AQR: variants seen among roughly 807,000 people sequenced by gnomAD.
The protein encoded by AQR is aquarius intron-binding spliceosomal factor, also known as RNA helicase aquarius.
Under a neutral mutation model 180.5 loss-of-function variants are expected in AQR, and 61 were observed. The ratio of observed to expected loss-of-function variants is 0.34; its 90% CI spans 0.28 to 0.42. The LOEUF is 0.42. Among genes scored for constraint, AQR ranks in the 10% least tolerant of loss-of-function variants. AQR has a pLI of 1.00. For missense variants in AQR, 1,281 were observed against 1,798.3 expected, an observed-to-expected ratio of 0.71 and a Z score of 5.20; for synonymous variants, 551 against 588.8, an observed-to-expected ratio of 0.94 and a Z score of 0.93.
At chr15:34,903,403 C>T (rs934927675) in intron 19 of AQR, among the ~76,000 whole-genome samples, 3 of 149,336 alleles carry the variant, frequency 2.0e-5, no homozygotes, top group African/African-American at 5.1e-5. Flanking sequence ...ATTATGTGGA[C>T]ATGTGTAAGG....
chr15:34,899,676 T>TTATATATA (rs57273821), intron 20 of AQR, among the ~76,000 whole-genome samples: 1 of 147,494 alleles, frequency 6.8e-6, no homozygotes, highest in South Asian at 2.1e-4. Flanking sequence ...TGGCCTATTA[T>TTATATATA]TATATATATA....
At position 34,874,864 on chromosome 15, in the gene AQR, T is replaced by G; in HGVS notation, c.3238A>C (p.Asn1080His). ...IETFIPLLLQ[N>H]PQDGFSRLKR... ...AGTCGGCTAAATCCATCCTGAGGAT[T>G]CTAGAAATGAAAAGTAAGGAAATGG... Residue 1080 changes from asparagine to histidine, a missense_variant and splice_region_variant, in exon 29 of 35, where the codon AAT becomes CAT. Coordinates refer to ENST00000156471, the MANE Select transcript of AQR (RefSeq NM_014691.3). 1 of 1,611,292 alleles carries G rather than the reference T, an allele frequency of 6.2e-7. No homozygotes were observed. The highest frequency in any genetic ancestry group is 8.5e-7 in the Non-Finnish European group (1 of 1,179,038).
rs867837704 is a variant in AQR at position 34,926,935 on chromosome 15, T to C, written c.1118+100A>G. 8.0e-5 allele frequency: 47 copies of C among 584,244 alleles called. No individual in the cohort carries two copies. The Middle Eastern group carries it at 6.3e-3, about 78-fold the overall frequency. 36.2% of individuals were successfully genotyped at this position (584,244 alleles called of 1,614,324 possible). The stretch of plus-strand genomic sequence containing the variant: ...ACGAAGAGTGAAATAACAAGTAATA[T>C]TATCTAAAGTACTGCAAAATGATTA... On this transcript the variant is annotated intron_variant, in intron 13 of 34. Coordinates refer to ENST00000156471, the MANE Select transcript of AQR (RefSeq NM_014691.3).
At chr15:34,914,194 T>C (rs1031265253) in intron 16 of AQR, among the ~76,000 whole-genome samples, 18 of 152,246 alleles carry the variant, frequency 1.2e-4, no homozygotes, top group Admixed American at 7.9e-4. Flanking sequence ...ATTTTACTCA[T>C]TTATAATCAC....
intron 22 of AQR, among the ~76,000 whole-genome samples, chr15:34,894,653 A>T (rs933689011): frequency 1.3e-5 from 2 of 152,162 alleles, no homozygotes; most frequent in Non-Finnish European, 2.9e-5. Context: ...CAAAAATTCT[A>T]CTACTATCTG....
At chr15:34,900,960 C>T in intron 19 of AQR, 97 bp from the exon 20 acceptor site, 1 of 1,452,402 alleles carries the variant, frequency 6.9e-7, no homozygotes, top group Non-Finnish European at 9.2e-7. Context: ...TCCAGAATTC[C>T]CGAGTGTTTC....
At chr15:34,955,249 T>C (rs530512662) in intron 3 of AQR, among the ~76,000 whole-genome samples, 3 of 152,362 alleles carry the variant, frequency 2.0e-5, no homozygotes, top group Non-Finnish European at 4.4e-5. Context: ...GCATGCATTA[T>C]GCCTGACACT....
chr15:34,864,609 T>A (rs1261486593), intron 32 of AQR, among the ~76,000 whole-genome samples: 1 of 152,144 alleles, frequency 6.6e-6, no homozygotes, highest in East Asian at 1.9e-4. Context: ...GAATTTAATG[T>A]TGTTAGGAGG....
intron 15 of AQR, among the ~76,000 whole-genome samples, chr15:34,917,392 G>A (rs115545195): frequency 0.013 from 2,031 of 152,230 alleles, 54 homozygotes; most frequent in African/African-American, 0.047. Flanking sequence ...ATATCTGAAT[G>A]CACTTTTGCA....
At chr15:34,899,612 C>T (rs1236837015) in intron 20 of AQR, among the ~76,000 whole-genome samples, 1 of 151,628 alleles carries the variant, frequency 6.6e-6, no homozygotes, top group Non-Finnish European at 1.5e-5. Context: ...CTCAAGCAAT[C>T]CTCCCAACTT....
At position 34,938,745 on chromosome 15, in the gene AQR, G is replaced by T. The variant is rs1433339020; in HGVS notation, c.710C>A (p.Pro237Gln). The T allele has an allele frequency of 2.5e-6, 4 of 1,589,018 alleles. No homozygotes were observed. The highest frequency in any genetic ancestry group is 3.5e-6 in the Non-Finnish European group (4 of 1,159,412). ...AGTAAAAAAGAAGATACCAGAAAGT[G>T]GGACTGATTTCAGCACAGAGATAAA... ...QKFISVLKSV[P>Q]LSEPVTMDKV... Residue 237 changes from proline (P) to glutamine (Q), a missense_variant, in exon 9 of 35, where the codon CCA (proline) becomes CAA (glutamine). By Grantham distance (76) the Pro-to-Gln change is moderately conservative. Around this residue, in one of 9 missense-constraint regions of AQR, gnomAD observed 404 missense variants for 490.9 expected, o/e 0.82. Transcript: ENST00000156471.
intron 3 of AQR, among the ~76,000 whole-genome samples, chr15:34,955,858 G>A (rs1485471026): frequency 5.4e-5 from 8 of 148,284 alleles, no homozygotes; most frequent in South Asian, 2.1e-4. Context: ...GCAGTGAGCC[G>A]AGATCATGCC....
At position 34,938,271 on chromosome 15, in the gene AQR, C is replaced by T. The variant is rs568059462; in HGVS notation, c.718+466G>A. On this transcript the variant is annotated intron_variant, in intron 9 of 34. Transcript: ENST00000156471. Reference sequence around the variant, plus strand: ...CCCTTAGGCCAGGTGCAGTGGCTCACGCCTGTAATCCCAGCACTTTGAGAG... The same window carrying T: ...CCCTTAGGCCAGGTGCAGTGGCTCATGCCTGTAATCCCAGCACTTTGAGAG... Among the ~76,000 whole-genome samples, 233 of 152,196 alleles carry T rather than the reference C, an allele frequency of 1.5e-3. 2 individuals are homozygous for T. The highest frequency in any genetic ancestry group is 5.2e-3 in the African/African-American group (218 of 41,532).
rs561353038 is a variant in AQR at position 34,946,985 on chromosome 15, C to T, written c.330+1279G>A. Among the ~76,000 whole-genome samples the T allele has an allele frequency of 2.9e-3, 440 of 152,192 alleles. 18 individuals are homozygous for T. The highest frequency in any genetic ancestry group is 0.025 in the Admixed American group (387 of 15,296). The stretch of plus-strand genomic sequence containing the variant: ...CTGGGAAGTGAGGAGCCCCTCTGCC[C>T]GGCCACCACCCCGTCTGGGAGGTGT... On this transcript the variant is annotated intron_variant, in intron 5 of 34. Transcript: ENST00000156471.
At chr15:34,867,440 AT>A in intron 32 of AQR, 83 bp downstream of exon 32, 2 of 1,211,066 alleles carry the variant, frequency 1.7e-6, no homozygotes, top group Non-Finnish European at 2.4e-6. Context: ...CTTAAAAAAT[AT>A]TTAGAACACT....
chr15:34,898,530 G>C (rs550863180), intron 20 of AQR, among the ~76,000 whole-genome samples: 1 of 152,294 alleles, frequency 6.6e-6, no homozygotes, highest in East Asian at 1.9e-4. Flanking sequence ...AGGGAGGAAA[G>C]ATTTTGCTAT....
intron 33 of AQR, among the ~76,000 whole-genome samples, 167 bp from the exon 34 acceptor site, chr15:34,860,322 C>T (rs1278443511): frequency 6.6e-6 from 1 of 151,452 alleles, no homozygotes; most frequent in African/African-American, 2.4e-5. Context: ...ATGAAGACTT[C>T]ATGAATGTTA....
intron 3 of AQR, 97 bp from the exon 4 acceptor site, chr15:34,953,017 T>C (rs191644472): frequency 9.9e-5 from 67 of 674,488 alleles, no homozygotes; most frequent in Admixed American, 8.1e-4. Flanking sequence ...TGTTTCCATA[T>C]TAACCCATCT....
intron 4 of AQR, among the ~76,000 whole-genome samples, chr15:34,951,170 G>A (rs1385920992): frequency 6.6e-6 from 1 of 152,078 alleles, no homozygotes; most frequent in Non-Finnish European, 1.5e-5. Flanking sequence ...TTTCATCCAT[G>A]GAAACCCTTT....
Sources: gnomAD v4.1 joint callset for allele counts (sites outside exome capture counted in the v4.1 genomes callset) on GRCh38, gnomAD v4.1.1 for gene constraint, gnomAD v4.1.1 regional missense constraint, MANE v1.5 for transcripts, NCBI Gene and HGNC (gene_info 2026-07-23, HGNC 2026-07-21) for gene names.